E2F5: variants seen among roughly 807,000 people sequenced by gnomAD.
E2F5 encodes the protein transcription factor E2F5.
A neutral mutation model predicts 39.1 loss-of-function variants in E2F5; 23 were observed. The observed-to-expected ratio is 0.59, with a 90% confidence interval of 0.42 to 0.83. E2F5 has a LOEUF of 0.83. E2F5 is among the 40% of genes least tolerant of loss of function. The probability of loss-of-function intolerance (pLI) is 0.00; values close to 1 mark genes in which losing one functional copy is unlikely to be tolerated. For missense variants in E2F5, 365 were observed against 406.7 expected, an observed-to-expected ratio of 0.90 and a Z score of 0.88; for synonymous variants, 145 against 157.8, an observed-to-expected ratio of 0.92 and a Z score of 0.61.
intron 1 of E2F5, among the ~76,000 whole-genome samples, chr8:85,191,751 A>G (rs1044896224): frequency 3.3e-5 from 5 of 152,168 alleles, no homozygotes; most frequent in African/African-American, 9.7e-5. Flanking sequence ...CTTTATCACA[A>G]TATGGAATTA....
In E2F5 at chr8:85,177,350, G is replaced by A; in HGVS notation, c.-71G>A. Reference sequence around the variant, plus strand: ...GAAGCGGCCGCAGCGGAGCCGACCCGGCAGGTGGCCGCGGGCGGGGCCGGC... The same window carrying A: ...GAAGCGGCCGCAGCGGAGCCGACCCAGCAGGTGGCCGCGGGCGGGGCCGGC... On this transcript the variant is annotated 5_prime_UTR_variant, in exon 1 of 8. Coordinates refer to ENST00000416274, the MANE Select transcript of E2F5 (RefSeq NM_001951.4). The A allele has an allele frequency of 8.2e-6, 8 of 979,188 alleles. No homozygotes were observed. Among genetic ancestry groups the A allele is most frequent in the Non-Finnish European group, 8.5e-6 (7 of 824,478 alleles). 60.7% of individuals were successfully genotyped at this position (979,188 alleles called of 1,614,324 possible).
At chr8:85,212,980 C>T (rs1386279483) in intron 7 of E2F5, 1 of 120,204 alleles carries the variant, frequency 8.3e-6, no homozygotes, top group East Asian at 2.3e-4. Context: ...TCACTGCAAC[C>T]TCCACCTCCT....
intron 1 of E2F5, among the ~76,000 whole-genome samples, chr8:85,190,921 C>T (rs746956989): frequency 2.0e-5 from 3 of 152,096 alleles, no homozygotes; most frequent in Non-Finnish European, 2.9e-5. Context: ...TGAAAATGAC[C>T]TTTCTGCTGT....
At chr8:85,185,075 A>G (rs1812300565) in intron 1 of E2F5, among the ~76,000 whole-genome samples, 1 of 152,226 alleles carries the variant, frequency 6.6e-6, no homozygotes, top group South Asian at 2.1e-4. Flanking sequence ...AGCAAAAATA[A>G]CAAAGCTGGA....
intron 1 of E2F5, among the ~76,000 whole-genome samples, chr8:85,178,483 A>C (rs1473318481): frequency 6.6e-6 from 1 of 152,236 alleles, no homozygotes; most frequent in African/African-American, 2.4e-5. Flanking sequence ...TAACCGATCT[A>C]GGAAGGATTT....
At chr8:85,205,443 C>A (rs1438863745) in intron 3 of E2F5, among the ~76,000 whole-genome samples, 1 of 152,090 alleles carries the variant, frequency 6.6e-6, no homozygotes, top group Admixed American at 6.5e-5. Flanking sequence ...CATCTCTAGA[C>A]TAGACTTCTT....
chr8:85,209,313 C>A lies in E2F5; in HGVS notation c.787C>A (p.Gln263Lys). 5 of 1,614,002 alleles carry A rather than the reference C, an allele frequency of 3.1e-6. No homozygotes were observed. Among genetic ancestry groups the A allele is most frequent in the Non-Finnish European group, 4.2e-6 (5 of 1,179,896 alleles). ...SSQSLTPVTP[Q>K]KSSMATQNLP... is the part of the protein sequence containing the mutation. Reference sequence around the variant, plus strand: ...CCAGTCCTTGACTCCAGTGACTCCACAGAAATCCAGCATGGCAACTCAAAA... The same window carrying A: ...CCAGTCCTTGACTCCAGTGACTCCAAAGAAATCCAGCATGGCAACTCAAAA... The change falls in exon 6 of 8, where the codon CAG (glutamine) becomes AAG (lysine). Residue 263 changes from glutamine (Q) to lysine (K), a missense_variant. By Grantham distance (53) the Gln-to-Lys change is moderately conservative (BLOSUM62 1). Coordinates refer to ENST00000416274, the MANE Select transcript of E2F5 (RefSeq NM_001951.4).
At chr8:85,186,220 G>A (rs1812329720) in intron 1 of E2F5, among the ~76,000 whole-genome samples, 1 of 152,114 alleles carries the variant, frequency 6.6e-6, no homozygotes, top group African/African-American at 2.4e-5. Context: ...GGACATGGAT[G>A]AAGCTGGAAA....
chr8:85,201,885 G>C, intron 1 of E2F5: 3 of 462,144 alleles, frequency 6.5e-6, no homozygotes, highest in South Asian at 5.3e-5. Flanking sequence ...TATTCTTATT[G>C]TGTTCTTTTA....
chr8:85,186,753 A>G (rs4150865), intron 1 of E2F5, among the ~76,000 whole-genome samples: 93,002 of 146,548 alleles, frequency 0.63, 30,160 homozygotes, highest in Non-Finnish European at 0.69. Flanking sequence ...TATATATGGT[A>G]TATATAAGGT....
At chr8:85,197,081 T>C (rs866929167) in intron 1 of E2F5, among the ~76,000 whole-genome samples, 7 of 152,226 alleles carry the variant, frequency 4.6e-5, no homozygotes, top group African/African-American at 1.7e-4. Flanking sequence ...ATAGTACTTC[T>C]GTTGCACATT....
chr8:85,182,465 A>T (rs1476639969), intron 1 of E2F5, among the ~76,000 whole-genome samples: 1 of 152,236 alleles, frequency 6.6e-6, no homozygotes, highest in African/African-American at 2.4e-5. Context: ...ATCTTTCAGT[A>T]GTCTTCAAAA....
At chr8:85,177,900 C>A in intron 1 of E2F5, 1 of 536,946 alleles carries the variant, frequency 1.9e-6, no homozygotes, top group Non-Finnish European at 2.5e-6. Flanking sequence ...GCTGGGCTCT[C>A]GACAAAGAGC....
In E2F5 at chr8:85,214,005, A is replaced by G. The variant is rs1048683103; in HGVS notation, c.*143A>G. The G allele has an allele frequency of 1.6e-6, 1 of 608,116 alleles. No homozygotes were observed. The highest frequency in any genetic ancestry group is 1.9e-5 in the African/African-American group (1 of 53,778). The allele number at this position is 608,116 out of a possible 1,614,324, so 37.7% of individuals were successfully genotyped here. On this transcript the variant is annotated 3_prime_UTR_variant, in exon 8 of 8. Coordinates refer to ENST00000416274, the MANE Select transcript of E2F5 (RefSeq NM_001951.4). ...AGTGTTCTTCCCTAATACTTTCTTT[A>G]CTTCACAAAACTTCAACCATAAAAA...
chr8:85,199,041 A>C (rs951287987), intron 1 of E2F5, among the ~76,000 whole-genome samples: 4 of 152,128 alleles, frequency 2.6e-5, no homozygotes, highest in African/African-American at 9.7e-5. Context: ...AAATATATCC[A>C]GAATGTTAAC....
At chr8:85,192,832 T>G (rs1812493648) in intron 1 of E2F5, among the ~76,000 whole-genome samples, 1 of 152,256 alleles carries the variant, frequency 6.6e-6, no homozygotes, top group Non-Finnish European at 1.5e-5. Context: ...ATGGTATCTC[T>G]GAGTTTATGT....
chr8:85,202,402 T>A (rs146538159), intron 2 of E2F5, 146 bp downstream of exon 2: 20 of 610,438 alleles, frequency 3.3e-5, no homozygotes, highest in Admixed American at 6.5e-5. Flanking sequence ...TCTGGGCCTC[T>A]GTGTCACTCC....
At chr8:85,199,494 A>G (rs1368592596) in intron 1 of E2F5, among the ~76,000 whole-genome samples, 2 of 152,192 alleles carry the variant, frequency 1.3e-5, no homozygotes, top group African/African-American at 4.8e-5. Flanking sequence ...ACCCAGAACC[A>G]AGCCTGGAAC....
intron 1 of E2F5, among the ~76,000 whole-genome samples, chr8:85,189,544 G>A (rs4150884): frequency 0.56 from 85,279 of 151,688 alleles, 26,385 homozygotes; most frequent in Non-Finnish European, 0.68. Context: ...TAATTTTTGT[G>A]TATTGGTAAA....
Sources: allele counts gnomAD v4.1 joint callset (sites outside exome capture counted in the v4.1 genomes callset), GRCh38; gene constraint gnomAD v4.1.1; transcripts MANE v1.5; gene names NCBI Gene and HGNC (gene_info 2026-07-23, HGNC 2026-07-21).